The following COL4A5 variants were observed in gnomAD, a reference collection of about 807,000 sequenced individuals.
COL4A5 encodes the protein collagen type IV alpha 5 chain, also known as collagen alpha-5(IV) chain.
A neutral mutation model predicts 130.2 loss-of-function variants in COL4A5; 26 were observed. That is an observed-to-expected ratio of 0.20 (90% CI 0.15 to 0.28). The LOEUF (loss-of-function observed/expected upper bound fraction) is 0.28, where lower values mean the gene tolerates loss of function less well. Among genes scored for constraint, COL4A5 ranks in the 10% least tolerant of loss-of-function variants. The pLI is 1.00. For synonymous variants in COL4A5, 496 were observed against 439.6 expected (o/e 1.13, Z -1.60); for missense variants, 1,131 against 1,344.3 (o/e 0.84, Z 2.48).
intron 1 of COL4A5, chrX:108,462,919 ATTC>A (rs778793664): frequency 1.8e-5 from 2 of 112,162 alleles, no homozygotes; most frequent in African/African-American, 3.2e-5. Flanking sequence ...TGTAACACAT[ATTC>A]TTCTTGTCCT....
At chrX:108,455,014 C>T (rs577821948) in intron 1 of COL4A5, among the ~76,000 whole-genome samples, 15 of 111,813 alleles carry the variant, frequency 1.3e-4, no homozygotes, top group Admixed American at 4.8e-4. Flanking sequence ...TATACACCTG[C>T]GAAACCATCA....
chrX:108,666,984 C>T, intron 39 of COL4A5, 149 bp from the exon 40 acceptor site: 1 of 510,873 alleles, frequency 2.0e-6, no homozygotes, highest in Non-Finnish European at 3.5e-6. Context: ...AATTGCAGTT[C>T]TGTGTTGGAA....
Position 108,591,210 on chromosome X carries a change from G to C in COL4A5, c.1318G>C (p.Ala440Pro). The C allele has an allele frequency of 8.3e-7, 1 of 1,209,471 alleles. No homozygotes were observed. The highest frequency in any genetic ancestry group is 1.1e-6 in the Non-Finnish European group (1 of 894,688). The part of the protein sequence containing the change: ...APGLPGPPGP[A>P]GPHIPPSDEI... ...TGGGCTTCCAGGGCCTCCTGGCCCTGCTGGCCCTCACATTCCTCCTAGTAA... is the reference window on the plus strand; with the variant it reads ...TGGGCTTCCAGGGCCTCCTGGCCCTCCTGGCCCTCACATTCCTCCTAGTAA... The change falls in exon 20 of 53, where the codon GCT (alanine) becomes CCT (proline). Residue 440 changes from alanine to proline, a missense_variant. By Grantham distance (27) the Ala-to-Pro change is conservative. Coordinates refer to ENST00000328300, the MANE Select transcript of COL4A5 (RefSeq NM_033380.3).
intron 47 of COL4A5, 35 bp downstream of exon 47, chrX:108,681,923 T>C: frequency 2.6e-6 from 3 of 1,156,904 alleles, no homozygotes; most frequent in South Asian, 1.8e-5. Context: ...ATCATTATTA[T>C]ACTTTTAATT....
chrX:108,693,175 G>A (rs1236097240), intron 50 of COL4A5, among the ~76,000 whole-genome samples: 1 of 111,641 alleles, frequency 9.0e-6, no homozygotes, highest in Non-Finnish European at 1.9e-5. Flanking sequence ...ACATAAATTT[G>A]TCTAATATAT....
intron 42 of COL4A5, among the ~76,000 whole-genome samples, chrX:108,673,724 TATA>T (rs913708925): frequency 1.9e-5 from 2 of 107,483 alleles, no homozygotes; most frequent in African/African-American, 6.7e-5. Context: ...TTGCAAGTAC[TATA>T]ATAATAATAT....
At chrX:108,596,688 A>C (rs1223969854) in intron 22 of COL4A5, among the ~76,000 whole-genome samples, 2 of 112,216 alleles carry the variant, frequency 1.8e-5, no homozygotes, top group African/African-American at 6.5e-5. Flanking sequence ...ATAGGAACCC[A>C]GGAAACGTTG....
chrX:108,624,158 G>C, intron 33 of COL4A5, 78 bp from the exon 34 acceptor site: 1 of 759,162 alleles, frequency 1.3e-6, no homozygotes, highest in South Asian at 2.2e-5. Context: ...TTTAACACTT[G>C]AGTAGCTTGC....
At chrX:108,584,411 T>G in intron 17 of COL4A5, 73 bp from the exon 18 acceptor site, 1 of 932,127 alleles carries the variant, frequency 1.1e-6, no homozygotes, top group East Asian at 3.1e-5. Flanking sequence ...TTGGAAAGTT[T>G]CTCTTATATT....
chrX:108,539,476 AT>A (rs928778852), intron 1 of COL4A5, among the ~76,000 whole-genome samples: 2 of 111,991 alleles, frequency 1.8e-5, no homozygotes, highest in African/African-American at 6.5e-5. Context: ...GAGATATCTC[AT>A]TTTTAATGTC....
At chrX:108,480,354 A>T (rs776013780) in intron 1 of COL4A5, among the ~76,000 whole-genome samples, 1 of 112,638 alleles carries the variant, frequency 8.9e-6, no homozygotes, top group Non-Finnish European at 1.9e-5. Flanking sequence ...TTTTAGTCGG[A>T]TTTATTTCCT....
intron 44 of COL4A5, among the ~76,000 whole-genome samples, chrX:108,679,613 C>G (rs1044615189): frequency 9.0e-5 from 10 of 111,186 alleles, no homozygotes; most frequent in African/African-American, 3.3e-4. Context: ...ATAAGATGCT[C>G]CAGGCTTGTT....
At chrX:108,621,341 T>C (rs1217919026) in intron 31 of COL4A5, among the ~76,000 whole-genome samples, 2 of 108,953 alleles carry the variant, frequency 1.8e-5, no homozygotes, top group Admixed American at 9.8e-5. Context: ...TTTCTTTTTT[T>C]CTTTGTAGTG....
chrX:108,477,928 C>G (rs988441425), intron 1 of COL4A5, among the ~76,000 whole-genome samples: 2 of 111,106 alleles, frequency 1.8e-5, no homozygotes, highest in African/African-American at 6.5e-5. Flanking sequence ...GTTCTACTAC[C>G]TATTCTGTAT....
At chrX:108,590,962 T>C in intron 19 of COL4A5, 96 bp from the exon 20 acceptor site, 1 of 801,241 alleles carries the variant, frequency 1.2e-6, no homozygotes, top group East Asian at 3.3e-5. Context: ...CAGAATTATA[T>C]GTTAAAGGAA....
chrX:108,452,567 A>G (rs1341496888), intron 1 of COL4A5, among the ~76,000 whole-genome samples: 2 of 111,531 alleles, frequency 1.8e-5, no homozygotes, highest in Non-Finnish European at 3.8e-5. Context: ...ATTCCCAGGT[A>G]TTTTATTCTC....
intron 2 of COL4A5, among the ~76,000 whole-genome samples, chrX:108,550,471 A>G (rs2065735406): frequency 8.9e-6 from 1 of 112,111 alleles, no homozygotes; most frequent in Non-Finnish European, 1.9e-5. Flanking sequence ...TCGATAACAA[A>G]GAATGCATTT....
intron 1 of COL4A5, among the ~76,000 whole-genome samples, chrX:108,529,745 C>G (rs2065360484): frequency 9.1e-6 from 1 of 109,405 alleles, no homozygotes; most frequent in African/African-American, 3.3e-5. Context: ...TAGTAGTAAG[C>G]AGGAATAGCT....
chrX:108,596,135 G>C (rs898998249), intron 22 of COL4A5, among the ~76,000 whole-genome samples: 11 of 111,744 alleles, frequency 9.8e-5, no homozygotes, highest in Admixed American at 6.6e-4. Flanking sequence ...CTGCCCCTTA[G>C]GTATCCCAGT....
Sources: gnomAD v4.1 joint callset for allele counts (sites outside exome capture counted in the v4.1 genomes callset) on GRCh38, gnomAD v4.1.1 for gene constraint, MANE v1.5 for transcripts, NCBI Gene and HGNC (gene_info 2026-07-23, HGNC 2026-07-21) for gene names.